The following SENP1 variants were observed in gnomAD, a reference collection of about 807,000 sequenced individuals.
SENP1 encodes sentrin-specific protease 1.
SENP1 carries 21 observed loss-of-function variants against 93.0 expected under a neutral mutation model. The observed-to-expected ratio is 0.23, with a 90% CI of 0.16 to 0.33. The LOEUF (loss-of-function observed/expected upper bound fraction) is 0.33. Among genes scored for constraint, SENP1 ranks in the 10% least tolerant of loss-of-function variants. The probability of loss-of-function intolerance (pLI) is 1.00; values close to 1 mark genes in which losing one functional copy is unlikely to be tolerated. For synonymous variants in SENP1, 256 were observed against 259.6 expected (o/e 0.99, Z 0.13); for missense variants, 591 against 758.7 (o/e 0.78, Z 2.60).
intron 11 of SENP1, among the ~76,000 whole-genome samples, 165 bp from the exon 12 acceptor site, chr12:48,065,385 C>T (rs189214541): frequency 3.3e-5 from 5 of 152,310 alleles, no homozygotes; most frequent in African/African-American, 1.2e-4. Context: ...GTCGAACCAT[C>T]ACAAGTAGGG....
chr12:48,092,719 T>C (rs1156427166), intron 4 of SENP1, among the ~76,000 whole-genome samples: 1 of 152,224 alleles, frequency 6.6e-6, no homozygotes, highest in African/African-American at 2.4e-5. Flanking sequence ...AAGTGAGAGA[T>C]GAAGCTTTTA....
chr12:48,064,533 G>T (rs1943168202), intron 12 of SENP1, among the ~76,000 whole-genome samples: 1 of 152,166 alleles, frequency 6.6e-6, no homozygotes, highest in Admixed American at 6.5e-5. Flanking sequence ...TGTATTAAAT[G>T]CTTCTTCACT....
intron 13 of SENP1, among the ~76,000 whole-genome samples, chr12:48,060,518 T>G (rs187069717): frequency 6.6e-6 from 1 of 152,360 alleles, no homozygotes; most frequent in Admixed American, 6.5e-5. Flanking sequence ...AATATTTCCT[T>G]CTGTTTCTTG....
chr12:48,055,899 AT>A (rs1178006597), intron 13 of SENP1, among the ~76,000 whole-genome samples: 1 of 139,954 alleles, frequency 7.1e-6, no homozygotes, highest in Non-Finnish European at 1.5e-5. Flanking sequence ...ATATATAAAA[AT>A]ATTAATATAT....
At chr12:48,094,735 G>C (rs1357837954) in intron 4 of SENP1, among the ~76,000 whole-genome samples, 1 of 151,782 alleles carries the variant, frequency 6.6e-6, no homozygotes, top group African/African-American at 2.4e-5. Flanking sequence ...ATTAGAATTG[G>C]GTTATGAGAA....
intron 9 of SENP1, among the ~76,000 whole-genome samples, chr12:48,069,995 G>C (rs545719839): frequency 6.6e-6 from 1 of 152,214 alleles, no homozygotes; most frequent in Admixed American, 6.5e-5. Flanking sequence ...AGCCATATAT[G>C]GCAAAGGCAT....
intron 5 of SENP1, chr12:48,085,200 G>A: frequency 6.7e-7 from 1 of 1,489,058 alleles, no homozygotes; most frequent in Non-Finnish European, 9.4e-7. Flanking sequence ...GACCATCAAT[G>A]AGATCGAAGA....
At position 48,043,540 on chromosome 12, in the gene SENP1, G is replaced by GA. The variant is rs1941138007; in HGVS notation, c.*1781dup. 6.6e-6 allele frequency: 1 copy of GA among 152,504 alleles called. No homozygotes were observed. The highest frequency in any genetic ancestry group is 6.6e-5 in the Admixed American group (1 of 15,254). 9.4% of individuals were successfully genotyped at this position (152,504 alleles called of 1,614,324 possible). On this transcript the variant is annotated 3_prime_UTR_variant, in exon 18 of 18. Coordinates refer to ENST00000549518, the MANE Select transcript of SENP1 (RefSeq NM_001267594.2). ...CTGCATGCCACAGCTTTCTAAAAGA[G>GA]AATGTGAAGGTCCCCAGCAACTCAT...
At chr12:48,063,905 C>T in intron 12 of SENP1, 64 bp from the exon 13 acceptor site, 2 of 1,444,950 alleles carry the variant, frequency 1.4e-6, no homozygotes, top group Non-Finnish European at 1.9e-6. Flanking sequence ...GTATTTCTCA[C>T]CAAACCCCAT....
chr12:48,100,611 G>T (rs1027402515), intron 2 of SENP1, among the ~76,000 whole-genome samples: 1 of 151,884 alleles, frequency 6.6e-6, no homozygotes, highest in Non-Finnish European at 1.5e-5. Flanking sequence ...CTCCAGCCTG[G>T]GTGACAGAGC....
At position 48,071,681 on chromosome 12, in the gene SENP1, C is replaced by G. The variant is rs1161120953; in HGVS notation, c.981G>C (p.Gln327His). 1 of 1,607,036 alleles carries G rather than the reference C, an allele frequency of 6.2e-7. No homozygotes were observed. The highest frequency in any genetic ancestry group is 2.2e-5 in the East Asian group (1 of 44,824). Residue 327 changes from glutamine (Q) to histidine (H), a missense_variant, in exon 9 of 18, where the codon CAG (glutamine) becomes CAC (histidine). Physicochemically the swap from Gln to His is conservative, Grantham distance 24. Around this residue, in one of 4 missense-constraint regions of SENP1, gnomAD observed 238 missense variants for 259.1 expected, o/e 0.92. Transcript: ENST00000549518. Reference protein sequence around the residue: ...SVILLKVKDSQTPTPSSTFFQ... With the variant: ...SVILLKVKDSHTPTPSSTFFQ... The stretch of plus-strand genomic sequence containing the variant: ...CCAAAGTTTACCTGGGAGTTGGAGT[C>G]TGGGAATCTTTCACTTTCAGTAAAA...
At chr12:48,096,456 T>A in intron 3 of SENP1, 29 bp from the exon 4 acceptor site, 2 of 1,462,922 alleles carry the variant, frequency 1.4e-6, no homozygotes, top group Non-Finnish European at 9.4e-7. Flanking sequence ...TTTTCTTAAG[T>A]CACATTTTTT....
intron 13 of SENP1, chr12:48,055,631 A>T (rs1262807788): frequency 6.6e-6 from 1 of 151,998 alleles, no homozygotes; most frequent in African/African-American, 2.4e-5. Context: ...GTGACCATTG[A>T]GCACTTGAAA....
At chr12:48,093,390 T>C (rs1055201037) in intron 4 of SENP1, among the ~76,000 whole-genome samples, 3 of 151,792 alleles carry the variant, frequency 2.0e-5, no homozygotes, top group African/African-American at 7.3e-5. Flanking sequence ...TTCAAGCGAT[T>C]CTTCTGCCTC....
At chr12:48,088,139 G>A (rs1166808868) in intron 5 of SENP1, among the ~76,000 whole-genome samples, 4 of 151,262 alleles carry the variant, frequency 2.6e-5, no homozygotes, top group Admixed American at 2.6e-4. Context: ...TGCAACCTCT[G>A]CCTCCCAGGT....
Position 48,069,590 on chromosome 12 carries a change from T to C in SENP1, c.995+2077A>G, listed in dbSNP as rs371219142. Reference sequence around the variant, plus strand: ...CTTCTTCCCAAGAAAGTTGCATGCATCTTGTGGCATTTCATGTGAAGCACT... The same window carrying C: ...CTTCTTCCCAAGAAAGTTGCATGCACCTTGTGGCATTTCATGTGAAGCACT... On this transcript the variant is annotated intron_variant, in intron 9 of 17. Coordinates refer to ENST00000549518, the MANE Select transcript of SENP1 (RefSeq NM_001267594.2). Among the ~76,000 whole-genome samples, 9 of 152,326 alleles carry C rather than the reference T, an allele frequency of 5.9e-5. 1 individual carries two copies. The East Asian group carries it at 1.2e-3, about 20-fold the overall frequency.
intron 13 of SENP1, among the ~76,000 whole-genome samples, chr12:48,061,015 A>C (rs1443668057): frequency 6.6e-6 from 1 of 152,192 alleles, no homozygotes; most frequent in Non-Finnish European, 1.5e-5. Context: ...ATTTATGAAA[A>C]AAATCTTAAA....
chr12:48,046,515 T>A, intron 16 of SENP1, 64 bp from the exon 17 acceptor site: 2 of 1,140,328 alleles, frequency 1.8e-6, no homozygotes, highest in Non-Finnish European at 2.7e-6. Flanking sequence ...AGATTAAAAA[T>A]AAGAACCAAA....
intron 13 of SENP1, among the ~76,000 whole-genome samples, chr12:48,058,309 A>G (rs989794473): frequency 2.6e-5 from 4 of 152,178 alleles, no homozygotes. Context: ...TTATATTTCT[A>G]TTGGACAATG....
Sources: allele counts gnomAD v4.1 joint callset (sites outside exome capture counted in the v4.1 genomes callset), GRCh38; gene constraint gnomAD v4.1.1; regional missense constraint gnomAD v4.1.1; transcripts MANE v1.5; gene names NCBI Gene and HGNC (gene_info 2026-07-23, HGNC 2026-07-21).